TRPM3: variants seen among roughly 807,000 people sequenced by gnomAD.
The protein encoded by TRPM3 is transient receptor potential cation channel subfamily M member 3.
In TRPM3, 77 loss-of-function variants were observed where a neutral mutation model predicts 181.2. That is an observed-to-expected ratio of 0.42 (90% CI 0.35 to 0.51). The LOEUF (loss-of-function observed/expected upper bound fraction) is 0.51, where lower values mean the gene tolerates loss of function less well. TRPM3 is among the 20% of genes least tolerant of loss of function. The pLI is 0.01. For missense variants in TRPM3, 1,759 were observed against 2,196.7 expected (o/e 0.80, Z 3.98); for synonymous variants, 745 against 796.4 (o/e 0.94, Z 1.09).
intron 8 of TRPM3, among the ~76,000 whole-genome samples, chr9:70,752,794 T>TAAAAACCTAAAA (rs1263496609): frequency 1.3e-5 from 2 of 152,130 alleles, no homozygotes; most frequent in African/African-American, 4.8e-5. Context: ...TGTAGTAGGC[T>TAAAAACCTAAAA]ATGTTGTCTA....
chr9:71,044,099 T>G (rs917239549), intron 1 of TRPM3, among the ~76,000 whole-genome samples: 1 of 152,224 alleles, frequency 6.6e-6, no homozygotes, highest in Admixed American at 6.5e-5. Flanking sequence ...CACTGTGTAC[T>G]TTCTCTCATG....
intron 1 of TRPM3, among the ~76,000 whole-genome samples, chr9:71,167,563 T>C (rs2076600652): frequency 6.6e-6 from 1 of 152,130 alleles, no homozygotes; most frequent in South Asian, 2.1e-4. Context: ...GTAATAACAT[T>C]CCTAAATTCA....
At chr9:70,675,038 C>T (rs114008648) in intron 9 of TRPM3, among the ~76,000 whole-genome samples, 2,741 of 152,084 alleles carry the variant, frequency 0.018, 95 homozygotes, top group African/African-American at 0.06. Context: ...TTTCTAAAGT[C>T]ATATAAAACA....
rs138793959 is a variant in TRPM3 at position 70,841,066 on chromosome 9, C to T, written c.801+1937G>A. On this transcript the variant is annotated intron_variant, in intron 5 of 25. Coordinates refer to ENST00000677713, the MANE Select transcript of TRPM3 (RefSeq NM_001366145.2). Reference sequence around the variant, plus strand: ...TATGCATTATTAAATGATTTTGGTGCAGAAATGATTTTGGTGCTGAAAGCA... The same window carrying T: ...TATGCATTATTAAATGATTTTGGTGTAGAAATGATTTTGGTGCTGAAAGCA... Among the ~76,000 whole-genome samples the T allele has an allele frequency of 6.1e-3, 924 of 152,174 alleles. 6 individuals are homozygous for T. The highest frequency in any genetic ancestry group is 0.021 in the African/African-American group (853 of 41,532).
At chr9:71,055,796 G>T (rs760038324) in intron 1 of TRPM3, among the ~76,000 whole-genome samples, 47 of 152,124 alleles carry the variant, frequency 3.1e-4, no homozygotes, top group Non-Finnish European at 4.9e-4. Flanking sequence ...TTGAATGAAT[G>T]ATTTGGGAGT....
At chr9:71,299,436 G>A (rs2086578668) in intron 1 of TRPM3, among the ~76,000 whole-genome samples, 1 of 150,884 alleles carries the variant, frequency 6.6e-6, no homozygotes, top group Admixed American at 6.7e-5. Flanking sequence ...TGAGGGAATT[G>A]AAACTGAGAA....
At chr9:70,795,454 CTGAAAG>C (rs1478025292) in intron 6 of TRPM3, among the ~76,000 whole-genome samples, 2 of 152,146 alleles carry the variant, frequency 1.3e-5, no homozygotes, top group Admixed American at 6.6e-5. Context: ...CACATTTAAA[CTGAAAG>C]AAGGCTCTGG....
chr9:70,610,692 G>C lies in TRPM3; in HGVS notation c.2584C>G (p.Gln862Glu), dbSNP rs1339204552. Residue 862 changes from glutamine (Q) to glutamate (E), a missense_variant, in exon 19 of 26, where the codon CAG becomes GAG. Around this residue, in one of 8 missense-constraint regions of TRPM3, gnomAD observed 114 missense variants for 134.8 expected, o/e 0.85. Coordinates refer to ENST00000677713, the MANE Select transcript of TRPM3 (RefSeq NM_001366145.2). ...AGGGGGATTAACCGGTGCTTGCTCT[G>C]AACTTCCTCTTCATCCTTCTTCCTG... is the stretch of plus-strand genomic sequence containing the variant. ...SSRKKDEEEV[Q>E]SKHRLIPLGR... 2 of 1,614,172 alleles carry C rather than the reference G, an allele frequency of 1.2e-6. No individual in the cohort carries two copies. Among genetic ancestry groups the C allele is most frequent in the South Asian group, 2.2e-5 (2 of 91,082 alleles).
intron 1 of TRPM3, among the ~76,000 whole-genome samples, chr9:71,184,973 T>C (rs2077595591): frequency 6.6e-6 from 1 of 152,178 alleles, no homozygotes; most frequent in Admixed American, 6.6e-5. Context: ...ATACACAAAT[T>C]AGAGCAGCAG....
chr9:71,060,710 G>T (rs1294616715), intron 1 of TRPM3, among the ~76,000 whole-genome samples: 1 of 152,052 alleles, frequency 6.6e-6, no homozygotes, highest in African/African-American at 2.4e-5. Context: ...ATCCATATGG[G>T]ACAGGGCAAG....
intron 4 of TRPM3, among the ~76,000 whole-genome samples, chr9:70,844,071 T>C (rs913833204): frequency 6.6e-6 from 1 of 152,196 alleles, no homozygotes; most frequent in Non-Finnish European, 1.5e-5. Context: ...CATAATTATA[T>C]GTGAAGATGT....
intron 1 of TRPM3, among the ~76,000 whole-genome samples, chr9:71,250,565 T>C (rs573311763): frequency 3.9e-5 from 6 of 152,282 alleles, no homozygotes; most frequent in African/African-American, 1.4e-4. Context: ...TGAGTATATA[T>C]TTCTTATGCC....
At chr9:70,845,476 G>T (rs1399100490) in intron 4 of TRPM3, among the ~76,000 whole-genome samples, 1 of 152,096 alleles carries the variant, frequency 6.6e-6, no homozygotes, top group Non-Finnish European at 1.5e-5. Flanking sequence ...CTGATCTCAG[G>T]TGATCCCCCT....
intron 1 of TRPM3, among the ~76,000 whole-genome samples, chr9:71,415,905 TA>T (rs1464257906): frequency 6.6e-6 from 1 of 151,968 alleles, no homozygotes; most frequent in Non-Finnish European, 1.5e-5. Context: ...ACACTCACCC[TA>T]AAACTGTATT....
chr9:70,933,098 A>C (rs1434676524), intron 1 of TRPM3, among the ~76,000 whole-genome samples: 3 of 152,178 alleles, frequency 2.0e-5, no homozygotes, highest in Non-Finnish European at 4.4e-5. Flanking sequence ...ATTTAATGAG[A>C]TAGACAAGAT....
chr9:70,932,199 A>G (rs908472677), intron 1 of TRPM3, among the ~76,000 whole-genome samples: 3 of 152,138 alleles, frequency 2.0e-5, no homozygotes, highest in Non-Finnish European at 4.4e-5. Context: ...TTGCTTTATC[A>G]TTACATTATT....
intron 1 of TRPM3, chr9:70,869,142 C>G: frequency 2.5e-6 from 2 of 792,302 alleles, no homozygotes; most frequent in Non-Finnish European, 1.5e-6. Flanking sequence ...CCCCAAGAGA[C>G]GTTTCAAGTA....
At chr9:70,767,677 A>G (rs1439557213) in intron 7 of TRPM3, among the ~76,000 whole-genome samples, 1 of 152,122 alleles carries the variant, frequency 6.6e-6, no homozygotes, top group Non-Finnish European at 1.5e-5. Context: ...TCCATGTGGC[A>G]TCTGTTGAGG....
At chr9:71,258,833 C>T (rs1432501669) in intron 1 of TRPM3, among the ~76,000 whole-genome samples, 7 of 152,118 alleles carry the variant, frequency 4.6e-5, no homozygotes, top group Non-Finnish European at 8.8e-5. Context: ...TTATAGACTA[C>T]TAATTATTTT....
Sources: allele counts gnomAD v4.1 joint callset (sites outside exome capture counted in the v4.1 genomes callset), GRCh38; gene constraint gnomAD v4.1.1; regional missense constraint gnomAD v4.1.1; transcripts MANE v1.5; gene names NCBI Gene and HGNC (gene_info 2026-07-23, HGNC 2026-07-21).